CNTNAP2: variants seen among roughly 807,000 people sequenced by gnomAD.
CNTNAP2 encodes contactin associated protein 2.
A neutral mutation model predicts 155.2 loss-of-function variants in CNTNAP2; 98 were observed. The observed-to-expected ratio is 0.63, with a 90% CI of 0.54 to 0.75. The LOEUF is 0.75. Ranked by LOEUF, CNTNAP2 falls within the 30% of genes least tolerant of loss-of-function variation. The probability of loss-of-function intolerance (pLI) is 0.00; values close to 1 mark genes in which losing one functional copy is unlikely to be tolerated. For missense variants in CNTNAP2, 1,727 were observed against 1,688.1 expected (o/e 1.02, Z -0.40); for synonymous variants, 651 against 631.2 (o/e 1.03, Z -0.47).
intron 13 of CNTNAP2, among the ~76,000 whole-genome samples, chr7:147,760,984 A>T (rs779435762): frequency 1.1e-4 from 16 of 152,202 alleles, no homozygotes; most frequent in Non-Finnish European, 2.1e-4. Flanking sequence ...CAACAAAGAT[A>T]ACTAGCACAC....
chr7:146,739,966 C>G (rs1801684206), intron 1 of CNTNAP2, among the ~76,000 whole-genome samples: 1 of 151,798 alleles, frequency 6.6e-6, no homozygotes, highest in Non-Finnish European at 1.5e-5. Context: ...TACTTCTATT[C>G]TCTTTTGGTT....
intron 1 of CNTNAP2, among the ~76,000 whole-genome samples, chr7:146,339,598 T>G (rs1413669161): frequency 1.3e-5 from 2 of 152,158 alleles, no homozygotes; most frequent in Non-Finnish European, 2.9e-5. Context: ...TTATACCAAG[T>G]TTTTTGTATT....
intron 8 of CNTNAP2, among the ~76,000 whole-genome samples, chr7:147,250,905 T>A (rs1804182672): frequency 6.6e-6 from 1 of 152,142 alleles, no homozygotes; most frequent in South Asian, 2.1e-4. Flanking sequence ...CTACTGGCTA[T>A]CTCATGTTTT....
chr7:147,949,337 C>T (rs1800879957), intron 14 of CNTNAP2, among the ~76,000 whole-genome samples: 2 of 151,372 alleles, frequency 1.3e-5, no homozygotes, highest in Non-Finnish European at 2.9e-5. Flanking sequence ...GAAGAAGAGA[C>T]GAGGTTGGTC....
At chr7:147,320,060 A>G in intron 9 of CNTNAP2, among the ~76,000 whole-genome samples, 1 of 152,188 alleles carries the variant, frequency 6.6e-6, no homozygotes, top group East Asian at 1.9e-4. Flanking sequence ...CAAGTGGTGG[A>G]TTGCATCTAG....
chr7:147,959,361 G>A (rs554645338), intron 14 of CNTNAP2, among the ~76,000 whole-genome samples: 1 of 152,166 alleles, frequency 6.6e-6, no homozygotes, highest in East Asian at 1.9e-4. Context: ...ACTGAATCCA[G>A]CTCAAGTACC....
rs555256899 is a variant in CNTNAP2 at position 146,635,082 on chromosome 7, G to C, written c.98-139189G>C. ...CAGAGATTTAATCTCACTCCACCAA[G>C]ACCCTCTGAGGGCAAAGAAAATGTG... On this transcript the variant is annotated intron_variant, in intron 1 of 23. Coordinates refer to ENST00000361727, the MANE Select transcript of CNTNAP2 (RefSeq NM_014141.6). 9.2e-5 allele frequency among the ~76,000 whole-genome samples: 14 copies of C among 152,188 alleles called. No homozygotes were observed. The South Asian group carries it at 1.5e-3, about 16-fold the overall frequency.
At chr7:146,644,033 G>T (rs140469188) in intron 1 of CNTNAP2, among the ~76,000 whole-genome samples, 7,695 of 152,260 alleles carry the variant, frequency 0.051, 284 homozygotes, top group African/African-American at 0.078. Context: ...CTTTGCTGAA[G>T]TTGCTTATCA....
At chr7:148,187,578 A>G (rs1203929783) in intron 18 of CNTNAP2, among the ~76,000 whole-genome samples, 1 of 152,200 alleles carries the variant, frequency 6.6e-6, no homozygotes, top group Non-Finnish European at 1.5e-5. Flanking sequence ...TTAAAACTCG[A>G]CATCTATTTC....
intron 1 of CNTNAP2, among the ~76,000 whole-genome samples, chr7:146,772,452 A>G (rs1486416141): frequency 6.7e-6 from 1 of 149,862 alleles, no homozygotes; most frequent in Admixed American, 6.7e-5. Flanking sequence ...AGGTCAGGAG[A>G]TCTAGACCAT....
Position 146,225,273 on chromosome 7 carries a change from A to G in CNTNAP2, c.97+108300A>G, listed in dbSNP as rs1411429815. Among the ~76,000 whole-genome samples, 12 of 152,224 alleles carry G rather than the reference A, an allele frequency of 7.9e-5. 1 individual carries two copies. Among genetic ancestry groups the G allele is most frequent in the Admixed American group, 7.2e-4 (11 of 15,280 alleles). On this transcript the variant is annotated intron_variant, in intron 1 of 23. Transcript: ENST00000361727. ...TCATCCAATAAACTACATCAAATAA[A>G]GGCAAATAAAGACAATCTAAGCTTC...
intron 2 of CNTNAP2, among the ~76,000 whole-genome samples, chr7:146,838,340 T>C (rs1803656152): frequency 6.6e-6 from 1 of 152,178 alleles, no homozygotes; most frequent in Admixed American, 6.5e-5. Flanking sequence ...TTTTTTGAGA[T>C]GGAGTCCCAC....
chr7:146,439,444 A>AT (rs979726757), intron 1 of CNTNAP2, among the ~76,000 whole-genome samples: 1 of 151,510 alleles, frequency 6.6e-6, no homozygotes, highest in East Asian at 1.9e-4. Context: ...CTTGTTGGAC[A>AT]TTTTTTTGTT....
chr7:147,227,568 A>T (rs1803577143), intron 8 of CNTNAP2, among the ~76,000 whole-genome samples: 1 of 152,208 alleles, frequency 6.6e-6, no homozygotes, highest in Non-Finnish European at 1.5e-5. Flanking sequence ...CGACGTGTTA[A>T]CAGATGGACG....
Position 147,492,086 on chromosome 7 carries a change from G to A in CNTNAP2, c.1777+6045G>A, listed in dbSNP as rs149600865. The stretch of plus-strand genomic sequence containing the variant: ...CACTCTCCAACGTTTTTGGCACCAG[G>A]GGCCAGGTTCATAGGAGACAGTTTT... On this transcript the variant is annotated intron_variant, in intron 11 of 23. Transcript: ENST00000361727. Among the ~76,000 whole-genome samples the A allele has an allele frequency of 5.9e-5, 9 of 152,278 alleles. No individual in the cohort carries two copies. In the East Asian group the frequency reaches 1.2e-3, roughly 20 times the overall value.
chr7:146,826,371 C>A (rs1360065344), intron 2 of CNTNAP2, among the ~76,000 whole-genome samples: 2 of 152,182 alleles, frequency 1.3e-5, no homozygotes, highest in East Asian at 1.9e-4. Context: ...AAAGGAATAT[C>A]CTGCTGTAAA....
At chr7:148,025,822 T>C (rs1419858225) in intron 15 of CNTNAP2, among the ~76,000 whole-genome samples, 1 of 152,156 alleles carries the variant, frequency 6.6e-6, no homozygotes, top group Admixed American at 6.5e-5. Context: ...AAATTATCCA[T>C]AATGAGAGAA....
At chr7:148,226,738 G>A (rs1030012381) in intron 19 of CNTNAP2, among the ~76,000 whole-genome samples, 11 of 152,190 alleles carry the variant, frequency 7.2e-5, no homozygotes, top group South Asian at 2.1e-4. Flanking sequence ...CAGACAGCCC[G>A]CCCCAAGGGA....
chr7:148,167,695 A>T (rs1405582061), intron 17 of CNTNAP2, among the ~76,000 whole-genome samples: 1 of 152,146 alleles, frequency 6.6e-6, no homozygotes, highest in Non-Finnish European at 1.5e-5. Context: ...TTATCTGTGG[A>T]TGGGGAAACC....
Sources: gnomAD v4.1 joint callset for allele counts (sites outside exome capture counted in the v4.1 genomes callset) on GRCh38, gnomAD v4.1.1 for gene constraint, MANE v1.5 for transcripts, NCBI Gene and HGNC (gene_info 2026-07-23, HGNC 2026-07-21) for gene names.